C11orf65: variants seen among roughly 807,000 people sequenced by gnomAD.
The protein encoded by C11orf65 is protein MFI.
Under a neutral mutation model 35.3 loss-of-function variants are expected in C11orf65, and 38 were observed. The ratio of observed to expected loss-of-function variants is 1.08; its 90% CI spans 0.83 to 1.41. C11orf65 has a LOEUF of 1.41. Among genes scored for constraint, C11orf65 ranks in the 40% most tolerant of loss-of-function variants. The pLI, the probability that C11orf65 is intolerant of heterozygous loss-of-function variation, is 0.00. For missense variants in C11orf65, 370 were observed against 367.1 expected, an observed-to-expected ratio of 1.01 and a Z score of -0.06; for synonymous variants, 105 against 114.4, an observed-to-expected ratio of 0.92 and a Z score of 0.53.
At chr11:108,409,237 T>A (rs528719895) in intron 3 of C11orf65, among the ~76,000 whole-genome samples, 67 of 152,320 alleles carry the variant, frequency 4.4e-4, no homozygotes, top group Middle Eastern at 3.4e-3. Context: ...TGACAATTTA[T>A]ATTATTGTTG....
At chr11:108,391,738 C>A (rs78007976) in intron 7 of C11orf65, among the ~76,000 whole-genome samples, 3,714 of 151,138 alleles carry the variant, frequency 0.025, 58 homozygotes, top group Non-Finnish European at 0.038. Flanking sequence ...CCCATAGCCA[C>A]CACCACCCCC....
chr11:108,466,062 G>C (rs2093533429), intron 1 of C11orf65, among the ~76,000 whole-genome samples: 1 of 152,026 alleles, frequency 6.6e-6, no homozygotes, highest in African/African-American at 2.4e-5. Flanking sequence ...AGTAGTGAGG[G>C]AGAAATTAAA....
chr11:108,334,927 G>A (rs2086662595), intron 3 of C11orf65: 1 of 1,583,232 alleles, frequency 6.3e-7, no homozygotes, highest in Non-Finnish European at 8.7e-7. Context: ...AGTGCAAATA[G>A]TGTATCTGAC....
intron 6 of C11orf65, chr11:108,317,241 T>G: frequency 2.3e-6 from 2 of 887,002 alleles, no homozygotes; most frequent in Non-Finnish European, 3.5e-6. Flanking sequence ...ACCCAGCTGA[T>G]ATTTTGGGAT....
intron 2 of C11orf65, among the ~76,000 whole-genome samples, chr11:108,377,248 T>C (rs1233713901): frequency 7.9e-5 from 12 of 152,006 alleles, no homozygotes; most frequent in East Asian, 5.8e-4. Context: ...ACTGGCAAAC[T>C]GAATCCAGCA....
At chr11:108,336,094 C>T (rs865982041) in intron 2 of C11orf65, 32 of 667,852 alleles carry the variant, frequency 4.8e-5, no homozygotes, top group Admixed American at 2.0e-4. Context: ...GCCAGGAGTT[C>T]GAGACCAGCC....
chr11:108,449,766 A>G (rs1370398802), intron 2 of C11orf65, among the ~76,000 whole-genome samples: 1 of 152,050 alleles, frequency 6.6e-6, no homozygotes, highest in East Asian at 1.9e-4. Flanking sequence ...CAATGGCAAC[A>G]AAAGCCAAAA....
Position 108,393,313 on chromosome 11 carries a change from GC to G in C11orf65, c.625del (p.Ala209GlnfsTer5), listed in dbSNP as rs942523764. ...AAAAGCTCTAATCAGCCCCTTTGTT[GC>G]AGTGTGAATTAGTCCTAGAGTTTCA... Reference protein sequence around the residue: ...HHETLGLIHTATKGLIRAFED... With the variant: ...HHETLGLIHTXTKGLIRAFED... On this transcript the variant is annotated frameshift_variant, in exon 7 of 9. Transcript: ENST00000393084. LOFTEE classifies it high-confidence loss of function. 3 of 1,613,984 alleles carry G rather than the reference GC, an allele frequency of 1.9e-6. No homozygotes were observed. The African/African-American group carries it at 4.0e-5, about 22-fold the overall frequency.
intron 2 of C11orf65, chr11:108,345,973 A>G: frequency 6.3e-7 from 1 of 1,584,948 alleles, no homozygotes; most frequent in Non-Finnish European, 8.7e-7. Flanking sequence ...TTTTTGTTTG[A>G]TTCAGCACTT....
chr11:108,373,665 C>T (rs112063267), intron 2 of C11orf65, among the ~76,000 whole-genome samples: 2,583 of 152,310 alleles, frequency 0.017, 71 homozygotes, highest in African/African-American at 0.058. Flanking sequence ...GAGTGCCAGA[C>T]AGTAGGTGCA....
chr11:108,424,627 T>C (rs1453321468), intron 3 of C11orf65, among the ~76,000 whole-genome samples: 1 of 152,146 alleles, frequency 6.6e-6, no homozygotes, highest in Non-Finnish European at 1.5e-5. Context: ...AACAAGGATA[T>C]TCAGGACTTG....
intron 2 of C11orf65, among the ~76,000 whole-genome samples, chr11:108,371,346 A>G (rs1591405260): frequency 6.6e-6 from 1 of 152,166 alleles, no homozygotes; most frequent in African/African-American, 2.4e-5. Flanking sequence ...CTTTAACCTT[A>G]CAAAACTAAA....
At chr11:108,390,245 C>T (rs2092123801) in intron 7 of C11orf65, among the ~76,000 whole-genome samples, 1 of 151,912 alleles carries the variant, frequency 6.6e-6, no homozygotes. Flanking sequence ...AGGATAGTCT[C>T]GATCTCCCGA....
intron 2 of C11orf65, among the ~76,000 whole-genome samples, chr11:108,460,906 G>C (rs551134491): frequency 7.9e-5 from 12 of 151,828 alleles, no homozygotes; most frequent in African/African-American, 2.7e-4. Flanking sequence ...TGTATTTTTA[G>C]TAGAGACAGG....
intron 6 of C11orf65, among the ~76,000 whole-genome samples, chr11:108,395,095 C>T (rs551023146): frequency 1.3e-5 from 2 of 151,752 alleles, no homozygotes; most frequent in East Asian, 3.9e-4. Context: ...AGCACTACTG[C>T]ACTCCAGCCT....
At chr11:108,326,435 G>A (rs2085692673), downstream of C11orf65, among the ~76,000 whole-genome samples, 1 of 152,036 alleles carries the variant, frequency 6.6e-6, no homozygotes, top group Admixed American at 6.6e-5. Context: ...TCCATCATGT[G>A]GTCGATTCAT....
downstream of C11orf65, chr11:108,329,400 G>GTTTTTGT (rs2086024263): frequency 1.4e-6 from 1 of 708,172 alleles, no homozygotes; most frequent in Non-Finnish European, 2.3e-6. Context: ...GTTCTTTTCG[G>GTTTTTGT]TTTTTGTTTT....
At chr11:108,380,381 A>T (rs1396391384), downstream of C11orf65, among the ~76,000 whole-genome samples, 1 of 152,220 alleles carries the variant, frequency 6.6e-6, no homozygotes, top group South Asian at 2.1e-4. Flanking sequence ...TCAGGTACTT[A>T]ACTTGGAAAG....
intron 2 of C11orf65, among the ~76,000 whole-genome samples, chr11:108,450,375 A>C (rs896804938): frequency 1.3e-5 from 2 of 151,888 alleles, no homozygotes; most frequent in Non-Finnish European, 2.9e-5. Flanking sequence ...GAACTAACCC[A>C]AATGCCTAAC....
Sources: allele counts gnomAD v4.1 joint callset (sites outside exome capture counted in the v4.1 genomes callset), GRCh38; gene constraint gnomAD v4.1.1; transcripts MANE v1.5; gene names NCBI Gene and HGNC (gene_info 2026-07-23, HGNC 2026-07-21).